The following TTLL1 variants were observed in gnomAD, a reference collection of about 807,000 sequenced individuals.
TTLL1 encodes the protein polyglutamylase complex subunit TTLL1.
A neutral mutation model predicts 47.8 loss-of-function variants in TTLL1; 33 were observed. The ratio of observed to expected loss-of-function variants is 0.69; its 90% confidence interval spans 0.52 to 0.92. The LOEUF (loss-of-function observed/expected upper bound fraction) is 0.92. Ranked by LOEUF, TTLL1 falls within the 40% of genes least tolerant of loss-of-function variation. TTLL1 has a pLI of 0.00. For missense variants in TTLL1, 488 were observed against 547.5 expected (o/e 0.89, Z 1.08); for synonymous variants, 225 against 214.1 (o/e 1.05, Z -0.45).
chr22:43,085,653 T>A (rs974403480), intron 1 of TTLL1, among the ~76,000 whole-genome samples: 3 of 152,210 alleles, frequency 2.0e-5, no homozygotes, highest in Non-Finnish European at 2.9e-5. Flanking sequence ...CTCTTCCTTT[T>A]ATAAATTACC....
intron 3 of TTLL1, among the ~76,000 whole-genome samples, chr22:43,074,272 A>G (rs1928332180): frequency 6.6e-6 from 1 of 151,864 alleles, no homozygotes; most frequent in Non-Finnish European, 1.5e-5. Flanking sequence ...TACTAAAAAT[A>G]CAAAATAAGC....
intron 5 of TTLL1, 152 bp downstream of exon 5, chr22:43,068,258 A>C (rs894644002): frequency 1.7e-6 from 1 of 581,000 alleles, no homozygotes; most frequent in Non-Finnish European, 2.7e-6. Flanking sequence ...CGGAGGTTGC[A>C]GTGAGCTGAG....
chr22:43,047,626 G>A lies in TTLL1; in HGVS notation c.979-1053C>T, dbSNP rs1321858558. Among the ~76,000 whole-genome samples, 5 of 151,988 alleles carry A rather than the reference G, an allele frequency of 3.3e-5. No individual in the cohort carries two copies. In the South Asian group the frequency reaches 6.2e-4, roughly 19 times the overall value. On this transcript the variant is annotated intron_variant, in intron 9 of 10. Coordinates refer to ENST00000266254, the MANE Select transcript of TTLL1 (RefSeq NM_012263.5). ...TGGGATTACAGGCATGCACCACCAC[G>A]CCTGGCTAATACTTGTATTTTCAGT...
At chr22:43,044,452 C>CCCA (rs1925942656) in intron 10 of TTLL1, among the ~76,000 whole-genome samples, 1 of 152,196 alleles carries the variant, frequency 6.6e-6, no homozygotes. Flanking sequence ...TCAGAGTCCT[C>CCCA]CCACCAGCAG....
intron 7 of TTLL1, among the ~76,000 whole-genome samples, chr22:43,061,012 A>T (rs1927354015): frequency 6.6e-6 from 1 of 152,078 alleles, no homozygotes; most frequent in Non-Finnish European, 1.5e-5. Flanking sequence ...CCTGGCCAAC[A>T]TGGTGAAACC....
At chr22:43,056,853 C>T (rs1490858024) in intron 8 of TTLL1, among the ~76,000 whole-genome samples, 2 of 152,084 alleles carry the variant, frequency 1.3e-5, no homozygotes, top group Non-Finnish European at 2.9e-5. Context: ...AGTGCATTGG[C>T]GTGATCGTGG....
At chr22:43,048,389 C>A (rs1569414582) in intron 9 of TTLL1, among the ~76,000 whole-genome samples, 1 of 151,242 alleles carries the variant, frequency 6.6e-6, no homozygotes, top group African/African-American at 2.4e-5. Flanking sequence ...AACTCCAGCA[C>A]TTTGGGAGGC....
chr22:43,041,842 C>T (rs995613782), intron 10 of TTLL1, among the ~76,000 whole-genome samples: 1 of 152,150 alleles, frequency 6.6e-6, no homozygotes, highest in African/African-American at 2.4e-5. Context: ...GTCTGTGAAG[C>T]AGACACCACA....
chr22:43,053,977 G>A (rs898395310), intron 8 of TTLL1, among the ~76,000 whole-genome samples: 7 of 152,194 alleles, frequency 4.6e-5, no homozygotes, highest in African/African-American at 1.4e-4. Context: ...CGTGTCAACC[G>A]ATGAGCGGTA....
Position 43,053,645 on chromosome 22 carries a change from T to G in TTLL1, c.892-1758A>C, listed in dbSNP as rs886872605. 2.6e-5 allele frequency among the ~76,000 whole-genome samples: 4 copies of G among 152,192 alleles called. No homozygotes were observed. In the South Asian group the frequency reaches 8.3e-4, roughly 31 times the overall value. On this transcript the variant is annotated intron_variant, in intron 8 of 10. Coordinates refer to ENST00000266254, the MANE Select transcript of TTLL1 (RefSeq NM_012263.5). ...ACCAGGCCCCTCCCATGTGCCTGTT[T>G]CCTTGTCTGCCTCACTCTGAGGACA...
At chr22:43,045,524 T>C (rs1308863604) in intron 10 of TTLL1, among the ~76,000 whole-genome samples, 1 of 136,438 alleles carries the variant, frequency 7.3e-6, no homozygotes, top group Non-Finnish European at 1.5e-5. Flanking sequence ...TTTGCCAGCC[T>C]GGTCTCGAAC....
intron 9 of TTLL1, among the ~76,000 whole-genome samples, 166 bp from the exon 10 acceptor site, chr22:43,046,739 G>A (rs557995951): frequency 3.9e-5 from 6 of 152,200 alleles, no homozygotes; most frequent in Admixed American, 6.6e-5. Context: ...GCGCAATCTC[G>A]GTTCACTGCA....
chr22:43,074,566 T>G (rs546945737), intron 3 of TTLL1, among the ~76,000 whole-genome samples: 1 of 150,458 alleles, frequency 6.6e-6, no homozygotes, highest in South Asian at 2.1e-4. Context: ...GAAGGCTGGG[T>G]ACAGTGGCTC....
chr22:43,072,235 T>G (rs943665809), intron 3 of TTLL1, among the ~76,000 whole-genome samples: 38 of 148,386 alleles, frequency 2.6e-4, no homozygotes, highest in Non-Finnish European at 3.7e-4. Context: ...CTCACTGCAA[T>G]CTCCGCCTCC....
chr22:43,054,817 C>A (rs1458081655), intron 8 of TTLL1, among the ~76,000 whole-genome samples: 1 of 151,330 alleles, frequency 6.6e-6, no homozygotes, highest in East Asian at 1.9e-4. Context: ...GCTCCGCCTC[C>A]CGGGTTCACG....
chr22:43,075,540 A>G lies in TTLL1; in HGVS notation c.47T>C (p.Leu16Pro). ...TCCTCTCTTTTCAAAGTTATTGATC[A>G]GCACTGACTTCTCGATATCAGTGAC... ...KWVTDIEKSV[L>P]INNFEKRGWV... Residue 16 changes from leucine to proline, a missense_variant, in exon 3 of 11, where the codon CTG becomes CCG. Physicochemically the swap from Leu to Pro is moderately conservative, Grantham distance 98. Transcript: ENST00000266254. 1 of 1,614,210 alleles carries G rather than the reference A, an allele frequency of 6.2e-7. No homozygotes were observed. Among genetic ancestry groups the G allele is most frequent in the African/African-American group, 1.3e-5 (1 of 75,052 alleles).
intron 1 of TTLL1, among the ~76,000 whole-genome samples, chr22:43,080,625 C>T (rs1319678231): frequency 6.6e-6 from 1 of 152,100 alleles, no homozygotes; most frequent in African/African-American, 2.4e-5. Flanking sequence ...CCTGTGTGCA[C>T]CCTGTGCCCC....
chr22:43,075,395 C>A, intron 3 of TTLL1, 79 bp downstream of exon 3: 1 of 1,223,756 alleles, frequency 8.2e-7, no homozygotes, highest in South Asian at 1.3e-5. Flanking sequence ...TCTGAGGCCA[C>A]TCTCTGGGAG....
At chr22:43,056,997 C>G (rs62231641) in intron 8 of TTLL1, among the ~76,000 whole-genome samples, 1 of 151,828 alleles carries the variant, frequency 6.6e-6, no homozygotes, top group South Asian at 2.1e-4. Context: ...CTTGGCCAGG[C>G]GCGGTGGCTC....
Sources: allele counts gnomAD v4.1 joint callset (sites outside exome capture counted in the v4.1 genomes callset), GRCh38; gene constraint gnomAD v4.1.1; transcripts MANE v1.5; gene names NCBI Gene and HGNC (gene_info 2026-07-23, HGNC 2026-07-21).